SORCS2: variants seen among roughly 807,000 people sequenced by gnomAD.
SORCS2 encodes sortilin related VPS10 domain containing receptor 2, also known as VPS10 domain-containing receptor SorCS2.
Under a neutral mutation model 141.6 loss-of-function variants are expected in SORCS2, and 100 were observed. The ratio of observed to expected loss-of-function variants is 0.71; its 90% CI spans 0.60 to 0.83. SORCS2 has a LOEUF of 0.83. Ranked by LOEUF, SORCS2 falls within the 40% of genes least tolerant of loss-of-function variation. SORCS2 has a pLI of 0.00. For synonymous variants in SORCS2, 789 were observed against 676.9 expected (o/e 1.17, Z -2.57); for missense variants, 1,646 against 1,560.2 (o/e 1.05, Z -0.93).
intron 3 of SORCS2, among the ~76,000 whole-genome samples, chr4:7,614,043 A>T (rs1019042218): frequency 6.6e-5 from 10 of 150,604 alleles, no homozygotes; most frequent in Non-Finnish European, 1.5e-4. Flanking sequence ...CCCATAATCC[A>T]TTTATCCATC....
intron 1 of SORCS2, among the ~76,000 whole-genome samples, chr4:7,297,517 C>T (rs771370535): frequency 6.6e-6 from 1 of 152,088 alleles, no homozygotes; most frequent in East Asian, 1.9e-4. Context: ...TGGGCCCTGG[C>T]CATGCCCTGC....
intron 1 of SORCS2, among the ~76,000 whole-genome samples, chr4:7,331,104 C>A (rs546444856): frequency 6.8e-6 from 1 of 147,552 alleles, no homozygotes; most frequent in Non-Finnish European, 1.5e-5. Flanking sequence ...GGGCTAGGGG[C>A]GGCGAGAGGC....
chr4:7,678,320 C>A (rs554367102), intron 9 of SORCS2, among the ~76,000 whole-genome samples: 171 of 150,522 alleles, frequency 1.1e-3, no homozygotes, highest in African/African-American at 3.6e-3. Flanking sequence ...TTCGCAGTGG[C>A]CCGGTCCAAA....
intron 4 of SORCS2, among the ~76,000 whole-genome samples, chr4:7,646,421 A>G (rs373283135): frequency 6.6e-6 from 1 of 152,146 alleles, no homozygotes; most frequent in African/African-American, 2.4e-5. Context: ...CCCTTAAATG[A>G]TCATTAGACT....
chr4:7,391,531 A>G (rs1723864961), intron 1 of SORCS2, among the ~76,000 whole-genome samples: 1 of 152,224 alleles, frequency 6.6e-6, no homozygotes, highest in African/African-American at 2.4e-5. Context: ...GTGGGGCTCC[A>G]TGGCCGGCCT....
intron 3 of SORCS2, among the ~76,000 whole-genome samples, chr4:7,571,102 C>T (rs1474872896): frequency 6.6e-6 from 1 of 152,238 alleles, no homozygotes; most frequent in Non-Finnish European, 1.5e-5. Context: ...TTACAGCAGC[C>T]CCCAGCCCTG....
intron 1 of SORCS2, among the ~76,000 whole-genome samples, chr4:7,339,634 T>G (rs2108986426): frequency 6.6e-6 from 1 of 152,354 alleles, no homozygotes; most frequent in Admixed American, 6.5e-5. Context: ...CCAGTCATAT[T>G]GGGCTCACCA....
intron 2 of SORCS2, among the ~76,000 whole-genome samples, chr4:7,490,513 G>T (rs1731253521): frequency 9.3e-6 from 1 of 107,102 alleles, no homozygotes. Context: ...AATTGCCACT[G>T]CCAGGGAGGT....
chr4:7,688,256 C>T (rs1230243266), intron 10 of SORCS2, among the ~76,000 whole-genome samples: 4 of 152,112 alleles, frequency 2.6e-5, no homozygotes, highest in African/African-American at 4.8e-5. Flanking sequence ...CCCTGCAGAG[C>T]GGGTCAGCAG....
intron 2 of SORCS2, among the ~76,000 whole-genome samples, chr4:7,516,688 G>A (rs770702480): frequency 3.3e-5 from 5 of 152,126 alleles, no homozygotes; most frequent in South Asian, 2.1e-4. Flanking sequence ...CCAGGAACAC[G>A]GCATGAAGTT....
rs893200371 is a variant in SORCS2, at chr4:7,619,245, T to A, written c.649-19083T>A. 2.0e-5 allele frequency among the ~76,000 whole-genome samples: 3 copies of A among 152,190 alleles called. 1 individual carries two copies. Among genetic ancestry groups the A allele is most frequent in the Admixed American group, 2.0e-4 (3 of 15,284 alleles). ...CTACCCTTAAGCCAGTGGCAGCGAA[T>A]GATGGCCAGGCGTAAGGGATTCATC... On this transcript the variant is annotated intron_variant, in intron 3 of 26. Coordinates refer to ENST00000507866, the MANE Select transcript of SORCS2 (RefSeq NM_020777.3).
In SORCS2 at chr4:7,614,981, C is replaced by T. The variant is rs538258769; in HGVS notation, c.649-23347C>T. Reference sequence around the variant, plus strand: ...CACCCATAATCCAGGGACTAGCTCTCGAGCCAGTGCTCCACCCATCTGTTC... The same window carrying T: ...CACCCATAATCCAGGGACTAGCTCTTGAGCCAGTGCTCCACCCATCTGTTC... On this transcript the variant is annotated intron_variant, in intron 3 of 26. Transcript: ENST00000507866. Among the ~76,000 whole-genome samples the T allele has an allele frequency of 1.1e-4, 16 of 152,188 alleles. No homozygotes were observed. In the East Asian group the frequency reaches 1.9e-3, roughly 18 times the overall value.
chr4:7,411,498 C>G (rs574418434), intron 2 of SORCS2, among the ~76,000 whole-genome samples: 68 of 152,134 alleles, frequency 4.5e-4, no homozygotes, highest in African/African-American at 1.6e-3. Flanking sequence ...TTCTATCCAC[C>G]CTTCCCACCT....
At chr4:7,613,587 C>G (rs564129031) in intron 3 of SORCS2, among the ~76,000 whole-genome samples, 267 of 152,290 alleles carry the variant, frequency 1.8e-3, no homozygotes, top group African/African-American at 6.0e-3. Context: ...CAAAGAAGCA[C>G]ATGCACCTCA....
chr4:7,365,676 A>G (rs923120359), intron 1 of SORCS2, among the ~76,000 whole-genome samples: 1 of 152,198 alleles, frequency 6.6e-6, no homozygotes, highest in Non-Finnish European at 1.5e-5. Context: ...GTTGGTGCAG[A>G]CAATGGGCAC....
intron 1 of SORCS2, among the ~76,000 whole-genome samples, chr4:7,255,340 T>C (rs1713783703): frequency 6.6e-6 from 1 of 152,146 alleles, no homozygotes; most frequent in Non-Finnish European, 1.5e-5. Flanking sequence ...TCCTTGTTCA[T>C]CTTCATATTG....
At chr4:7,395,673 T>TGATG (rs996708285) in intron 1 of SORCS2, among the ~76,000 whole-genome samples, 1 of 152,066 alleles carries the variant, frequency 6.6e-6, no homozygotes, top group South Asian at 2.1e-4. Context: ...GCCCCGTGTG[T>TGATG]GATGAATGAA....
At chr4:7,526,274 G>A (rs1275968638) in intron 2 of SORCS2, among the ~76,000 whole-genome samples, 5 of 152,236 alleles carry the variant, frequency 3.3e-5, no homozygotes, top group Admixed American at 1.3e-4. Context: ...CCAGACCGGC[G>A]TGTCCCTTAG....
In SORCS2 at chr4:7,274,195, A is replaced by G. The variant is rs936312606; in HGVS notation, c.480+81069A>G. Reference sequence around the variant, plus strand: ...CGGCTGGACAGACGTTAGACTGGGAACCCCTTTCCCCATAGGCAGATGCTG... The same window carrying G: ...CGGCTGGACAGACGTTAGACTGGGAGCCCCTTTCCCCATAGGCAGATGCTG... On this transcript the variant is annotated intron_variant, in intron 1 of 26. Transcript: ENST00000507866. Among the ~76,000 whole-genome samples the G allele has an allele frequency of 8.9e-4, 135 of 152,092 alleles. 1 individual carries two copies. Among genetic ancestry groups the G allele is most frequent in the Non-Finnish European group, 1.2e-4 (8 of 68,012 alleles).
Sources: allele counts gnomAD v4.1 joint callset (sites outside exome capture counted in the v4.1 genomes callset), GRCh38; gene constraint gnomAD v4.1.1; transcripts MANE v1.5; gene names NCBI Gene and HGNC (gene_info 2026-07-23, HGNC 2026-07-21).